The following COA8 variants were observed in gnomAD, a reference collection of about 807,000 sequenced individuals.
The protein encoded by COA8 is UPF0671 protein C14orf153.
Under a neutral mutation model 22.0 loss-of-function variants are expected in COA8, and 20 were observed. The ratio of observed to expected loss-of-function variants is 0.91; its 90% confidence interval spans 0.64 to 1.32. COA8 has a LOEUF of 1.32. Ranked by LOEUF, COA8 falls within the 40% of genes most tolerant of loss-of-function variation. The pLI, the probability that COA8 is intolerant of heterozygous loss-of-function variation, is 0.00. For synonymous variants in COA8, 105 were observed against 79.9 expected (o/e 1.31, Z -1.68); for missense variants, 266 against 230.0 (o/e 1.16, Z -1.01).
At chr14:103,574,243 G>T in intron 3 of COA8, 73 bp downstream of exon 3, 1 of 1,595,866 alleles carries the variant, frequency 6.3e-7, no homozygotes. Flanking sequence ...GGAAAGGAAG[G>T]GCGGTGAGAG....
rs2076101365 is a variant in COA8 at position 103,563,143 on chromosome 14, A to C, written c.123+19A>C. On this transcript the variant is annotated intron_variant, in intron 1 of 4. Coordinates refer to ENST00000409074, the MANE Select transcript of COA8 (RefSeq NM_001370595.2). Reference sequence around the variant, plus strand: ...CAGCGGGGTAAGCAGGGGCCTGGGGACATTGGGCCGGGAGGGGTGACCGGA... The same window carrying C: ...CAGCGGGGTAAGCAGGGGCCTGGGGCCATTGGGCCGGGAGGGGTGACCGGA... The C allele has an allele frequency of 2.6e-6, 4 of 1,540,422 alleles. No individual in the cohort carries two copies. The East Asian group carries it at 9.7e-5, about 37-fold the overall frequency.
intron 1 of COA8, chr14:103,567,276 G>C (rs2142276066): frequency 6.6e-6 from 1 of 151,886 alleles, no homozygotes; most frequent in East Asian, 2.0e-4. Context: ...GGGAGGCTGA[G>C]GCAGGAGAAT....
At chr14:103,587,784 G>C (rs2076320326) in intron 4 of COA8, among the ~76,000 whole-genome samples, 1 of 151,930 alleles carries the variant, frequency 6.6e-6, no homozygotes, top group East Asian at 2.0e-4. Flanking sequence ...TGGGATTACA[G>C]GCATGAGCCA....
At chr14:103,575,095 G>A (rs748161864) in intron 3 of COA8, among the ~76,000 whole-genome samples, 1 of 152,274 alleles carries the variant, frequency 6.6e-6, no homozygotes, top group Non-Finnish European at 1.5e-5. Flanking sequence ...GGCTGTCAGC[G>A]CATTCCATGC....
intron 3 of COA8, among the ~76,000 whole-genome samples, chr14:103,576,312 AT>A (rs148889937): frequency 0.024 from 3,628 of 152,052 alleles, 112 homozygotes; most frequent in African/African-American, 0.083. Context: ...TCTCAAAAAA[AT>A]AAAAAAAGAA....
chr14:103,568,731 G>C (rs542135877), intron 1 of COA8, among the ~76,000 whole-genome samples: 123 of 151,714 alleles, frequency 8.1e-4, no homozygotes, highest in Admixed American at 1.2e-3. Context: ...CCAGGTTCAA[G>C]CAATTCTTGT....
At chr14:103,568,339 G>GAGAGGCAGGCCTGGCCTGC (rs2076150697) in intron 1 of COA8, among the ~76,000 whole-genome samples, 1 of 152,158 alleles carries the variant, frequency 6.6e-6, no homozygotes, top group Non-Finnish European at 1.5e-5. Flanking sequence ...GAGGGGGCTG[G>GAGAGGCAGGCCTGGCCTGC]AGAGGCAGGC....
At position 103,563,031 on chromosome 14, in the gene COA8, C is replaced by A; in HGVS notation, c.30C>A (p.Thr10=). The change falls in exon 1 of 5, where the codon ACC becomes ACA. Residue 10 remains threonine (T), a synonymous_variant. Coordinates refer to ENST00000409074, the MANE Select transcript of COA8 (RefSeq NM_001370595.2). ...TGGTCTTGCGGGCGGGGAAGAAGAC[C>A]TTTCTCCCCCCTCTCTGCCGCGCCT... The part of the protein sequence containing the change: MVVLRAGKK[T]FLPPLCRAFA... 1 of 1,551,564 alleles carries A rather than the reference C, an allele frequency of 6.4e-7. No homozygotes were observed. The highest frequency in any genetic ancestry group is 8.7e-7 in the Non-Finnish European group (1 of 1,154,396).
chr14:103,580,772 C>T (rs2076261899), intron 3 of COA8, among the ~76,000 whole-genome samples: 1 of 150,114 alleles, frequency 6.7e-6, no homozygotes, highest in South Asian at 2.1e-4. Flanking sequence ...GGATTACAGG[C>T]GTGAGCCACT....
At chr14:103,570,276 C>G (rs1271564484) in intron 1 of COA8, among the ~76,000 whole-genome samples, 1 of 152,122 alleles carries the variant, frequency 6.6e-6, no homozygotes, top group Non-Finnish European at 1.5e-5. Context: ...AAAAAGGATT[C>G]CTAAATTGAT....
chr14:103,590,593 C>G lies in COA8; in HGVS notation c.*307C>G. The G allele has an allele frequency of 4.4e-6, 1 of 229,776 alleles. No homozygotes were observed. Among genetic ancestry groups the G allele is most frequent in the Non-Finnish European group, 8.6e-6 (1 of 115,968 alleles). 14.2% of individuals were successfully genotyped at this position (229,776 alleles called of 1,614,324 possible). On this transcript the variant is annotated 3_prime_UTR_variant, in exon 5 of 5. Coordinates refer to ENST00000409074, the MANE Select transcript of COA8 (RefSeq NM_001370595.2). ...GAACTATTTAAAAATATTGGCCAGG[C>G]ACGGTGGCTCACACCTGTAATCCCA... is the stretch of plus-strand genomic sequence containing the variant.
intron 4 of COA8, chr14:103,588,116 CAAA>C (rs1221577064): frequency 7.7e-3 from 494 of 64,340 alleles, no homozygotes; most frequent in East Asian, 0.01. Flanking sequence ...AACTCCATCT[CAAA>C]AAAAAAAAAA....
intron 1 of COA8, among the ~76,000 whole-genome samples, chr14:103,567,083 A>AT (rs1365709219): frequency 2.0e-5 from 3 of 151,962 alleles, no homozygotes; most frequent in African/African-American, 7.2e-5. Context: ...GATTTTTAAA[A>AT]TTTTTTTGGC....
intron 1 of COA8, among the ~76,000 whole-genome samples, chr14:103,568,502 CAT>C (rs964064697): frequency 3.3e-5 from 5 of 151,666 alleles, no homozygotes; most frequent in African/African-American, 1.2e-4. Flanking sequence ...TATATACACA[CAT>C]GTATACATAT....
chr14:103,571,733 A>T lies in COA8; in HGVS notation c.234A>T (p.Pro78=). ...VHFYIPENES[P]LEQKLRKLRQ... Reference sequence around the variant, plus strand: ...TTTACATACCTGAAAATGAATCTCCATTGGAACAAAAGCTTAGAAAATTAA... The same window carrying T: ...TTTACATACCTGAAAATGAATCTCCTTTGGAACAAAAGCTTAGAAAATTAA... Residue 78 remains proline, a synonymous_variant, in exon 2 of 5, where the codon CCA becomes CCT. Coordinates refer to ENST00000409074, the MANE Select transcript of COA8 (RefSeq NM_001370595.2). 4 of 1,614,214 alleles carry T rather than the reference A, an allele frequency of 2.5e-6. No individual in the cohort carries two copies. The highest frequency in any genetic ancestry group is 3.4e-6 in the Non-Finnish European group (4 of 1,180,034).
chr14:103,589,983 C>T (rs960808326), intron 4 of COA8, among the ~76,000 whole-genome samples, 198 bp from the exon 5 acceptor site: 3 of 151,790 alleles, frequency 2.0e-5, no homozygotes, highest in Admixed American at 6.6e-5. Flanking sequence ...CTCCAGGCGT[C>T]GCCAGTGGGC....
At chr14:103,579,962 C>CA (rs373279860) in intron 3 of COA8, among the ~76,000 whole-genome samples, 106,005 of 117,548 alleles carry the variant, frequency 0.9, 47,915 homozygotes, top group East Asian at 0.95. Flanking sequence ...GACTCTGTCT[C>CA]AAAAAAAAAA....
rs779574663 is a variant in COA8 at position 103,590,206 on chromosome 14, A to G, written c.502A>G (p.Ile168Val). 6.8e-6 allele frequency: 11 copies of G among 1,614,186 alleles called. No homozygotes were observed. The Admixed American group carries it at 1.7e-4, about 24-fold the overall frequency. Reference protein sequence around the residue: ...NRDWYKRNFAITFFMGKVALE... With the variant: ...NRDWYKRNFAVTFFMGKVALE... ...AGATTGGTACAAGCGCAATTTTGCC[A>G]TCACCTTCTTCATGGGAAAAGTGGC... The change falls in exon 5 of 5, where the codon ATC becomes GTC. Residue 168 changes from isoleucine (I) to valine (V), a missense_variant. Transcript: ENST00000409074.
At chr14:103,586,061 C>T (rs950635216) in intron 3 of COA8, among the ~76,000 whole-genome samples, 15 of 151,568 alleles carry the variant, frequency 9.9e-5, no homozygotes, top group African/African-American at 2.7e-4. Flanking sequence ...CTACCATGCC[C>T]GGCTAATTTT....
Sources: allele counts gnomAD v4.1 joint callset (sites outside exome capture counted in the v4.1 genomes callset), GRCh38; gene constraint gnomAD v4.1.1; transcripts MANE v1.5; gene names NCBI Gene and HGNC (gene_info 2026-07-23, HGNC 2026-07-21).